SLCO1C1: variants seen among roughly 807,000 people sequenced by gnomAD.
The protein encoded by SLCO1C1 is OAT-RP-5.
A neutral mutation model predicts 76.4 loss-of-function variants in SLCO1C1; 70 were observed. The ratio of observed to expected loss-of-function variants is 0.92; its 90% confidence interval spans 0.76 to 1.12. The LOEUF (loss-of-function observed/expected upper bound fraction) is 1.12. SLCO1C1 is among the 50% of genes most tolerant of loss of function. The pLI is 0.00. For synonymous variants in SLCO1C1, 306 were observed against 286.1 expected, an observed-to-expected ratio of 1.07 and a Z score of -0.70; for missense variants, 912 against 823.8, an observed-to-expected ratio of 1.11 and a Z score of -1.31.
chr12:20,713,306 C>T (rs1407893449), intron 5 of SLCO1C1, among the ~76,000 whole-genome samples: 3 of 151,950 alleles, frequency 2.0e-5, no homozygotes, highest in African/African-American at 7.3e-5. Context: ...GTCTCGATCT[C>T]CTGACCTCGT....
intron 12 of SLCO1C1, among the ~76,000 whole-genome samples, chr12:20,742,332 T>TG (rs1399351621): frequency 3.7e-5 from 4 of 107,768 alleles, no homozygotes; most frequent in East Asian, 8.0e-4. Context: ...AGAAAAGTCA[T>TG]GTTTTTTTTT....
intron 13 of SLCO1C1, among the ~76,000 whole-genome samples, chr12:20,744,279 G>A (rs1442060163): frequency 6.6e-6 from 1 of 151,916 alleles, no homozygotes; most frequent in Non-Finnish European, 1.5e-5. Flanking sequence ...CCTGTGTTTG[G>A]GAATATAGAT....
At position 20,717,326 on chromosome 12, in the gene SLCO1C1, A is replaced by C; in HGVS notation, c.775+96A>C. ...AAATTATCAAATTGCCTTTTTATAA[A>C]ATGATGGAGTTGTAATCTTTCATAA... On this transcript the variant is annotated intron_variant, in intron 7 of 14. Coordinates refer to ENST00000266509, the MANE Select transcript of SLCO1C1 (RefSeq NM_017435.5). The C allele has an allele frequency of 6.4e-6, 6 of 943,008 alleles. No homozygotes were observed. The South Asian group carries it at 8.7e-5, about 14-fold the overall frequency. The allele number at this position is 943,008 out of a possible 1,614,324, so 58.4% of individuals were successfully genotyped here.
At position 20,721,878 on chromosome 12, in the gene SLCO1C1, A is replaced by G. The variant is rs781552130; in HGVS notation, c.850A>G (p.Ile284Val). Reference sequence around the variant, plus strand: ...GCTTGGCTATCTAATAGCAGGAATCATAAGTCTTCTTGCAGCTGTGCCTTT... The same window carrying G: ...GCTTGGCTATCTAATAGCAGGAATCGTAAGTCTTCTTGCAGCTGTGCCTTT... ...WWLGYLIAGI[I>V]SLLAAVPFWY... The change falls in exon 8 of 15, where the codon ATA becomes GTA. Residue 284 changes from isoleucine (I) to valine (V), a missense_variant. Ile to Val is a conservative substitution (Grantham distance 29). Transcript: ENST00000266509. The G allele has an allele frequency of 9.3e-6, 15 of 1,614,068 alleles. No individual in the cohort carries two copies. The Admixed American group carries it at 1.0e-4, about 11-fold the overall frequency.
intron 13 of SLCO1C1, among the ~76,000 whole-genome samples, chr12:20,746,520 G>A (rs908885361): frequency 6.6e-6 from 1 of 151,776 alleles, no homozygotes; most frequent in African/African-American, 2.4e-5. Context: ...ATAGCTAAAA[G>A]CTTTAGATGA....
intron 10 of SLCO1C1, among the ~76,000 whole-genome samples, chr12:20,736,338 G>C (rs967887066): frequency 6.6e-4 from 99 of 150,848 alleles, no homozygotes; most frequent in African/African-American, 2.0e-3. Flanking sequence ...ACCAATTTTG[G>C]GGGGGGGTGC....
At chr12:20,746,086 G>T (rs1949029120) in intron 13 of SLCO1C1, among the ~76,000 whole-genome samples, 1 of 152,002 alleles carries the variant, frequency 6.6e-6, no homozygotes, top group African/African-American at 2.4e-5. Flanking sequence ...TGCATGAGAT[G>T]ATTATGGGAC....
Position 20,752,592 on chromosome 12 carries a change from A to G in SLCO1C1, c.*64A>G. 7.5e-7 allele frequency: 1 copy of G among 1,335,496 alleles called. No individual in the cohort carries two copies. The highest frequency in any genetic ancestry group is 1.6e-5 in the South Asian group (1 of 62,428). 82.7% of individuals were successfully genotyped at this position (1,335,496 alleles called of 1,614,324 possible). A position where few individuals can be genotyped will look rare whatever the true frequency, so the allele number is the denominator to read the frequency against. ...ACATTTTGCAAACAAATAAATTGTAATCAAAAGAGCTCTAAATTTGTAATT... is the reference window on the plus strand; with the variant it reads ...ACATTTTGCAAACAAATAAATTGTAGTCAAAAGAGCTCTAAATTTGTAATT... On this transcript the variant is annotated 3_prime_UTR_variant, in exon 15 of 15. Transcript: ENST00000266509.
intron 1 of SLCO1C1, among the ~76,000 whole-genome samples, chr12:20,697,983 A>G (rs1005173997): frequency 3.3e-5 from 5 of 152,064 alleles, no homozygotes; most frequent in African/African-American, 9.7e-5. Flanking sequence ...TATCCTTAGT[A>G]TCTTTGTTTA....
At chr12:20,705,900 C>T in intron 3 of SLCO1C1, 49 bp from the exon 4 acceptor site, 4 of 1,589,110 alleles carry the variant, frequency 2.5e-6, no homozygotes, top group Non-Finnish European at 3.4e-6. Context: ...ATGCTGTTGA[C>T]TTCTTTCTAA....
chr12:20,712,666 A>AG (rs1947170782), intron 5 of SLCO1C1, among the ~76,000 whole-genome samples: 1 of 152,162 alleles, frequency 6.6e-6, no homozygotes, highest in Non-Finnish European at 1.5e-5. Flanking sequence ...CAAATCTCTT[A>AG]TCTATTCCAC....
chr12:20,722,233 A>C (rs149161736), intron 8 of SLCO1C1, among the ~76,000 whole-genome samples, 184 bp downstream of exon 8: 1 of 152,370 alleles, frequency 6.6e-6, no homozygotes, highest in East Asian at 1.9e-4. Context: ...ACCAAAGAGC[A>C]AAGGCTTGAC....
chr12:20,748,136 G>A (rs1949131977), intron 13 of SLCO1C1, among the ~76,000 whole-genome samples: 1 of 152,134 alleles, frequency 6.6e-6, no homozygotes, highest in Non-Finnish European at 1.5e-5. Flanking sequence ...CCTTACACAT[G>A]TAGGTTTGAA....
In SLCO1C1 at chr12:20,715,286, G is replaced by A. The variant is rs770031933; in HGVS notation, c.676+1G>A. 6.2e-7 allele frequency: 1 copy of A among 1,613,626 alleles called. No individual in the cohort carries two copies. Among genetic ancestry groups the A allele is most frequent in the Non-Finnish European group, 8.5e-7 (1 of 1,179,770 alleles). ...GAAGACAATGCAGCTTTCTATATTG[G>A]TAATATTGGCATATTGCTTCACTTA... On this transcript the variant is annotated splice_donor_variant, in intron 6 of 14. Coordinates refer to ENST00000266509, the MANE Select transcript of SLCO1C1 (RefSeq NM_017435.5). LOFTEE classifies it high-confidence loss of function.
At chr12:20,729,428 A>G (rs1948170236) in intron 9 of SLCO1C1, among the ~76,000 whole-genome samples, 2 of 152,138 alleles carry the variant, frequency 1.3e-5, no homozygotes, top group South Asian at 2.1e-4. Context: ...ATGGGATTCA[A>G]TTCAATTAGC....
chr12:20,714,503 A>G (rs1411569920), intron 5 of SLCO1C1, among the ~76,000 whole-genome samples: 2 of 152,228 alleles, frequency 1.3e-5, no homozygotes, highest in Admixed American at 1.3e-4. Flanking sequence ...ATGCTGTCAA[A>G]TGATTTCTTT....
chr12:20,750,675 C>G lies in SLCO1C1; in HGVS notation c.1799C>G (p.Ala600Gly), dbSNP rs1249289584. 6.2e-7 allele frequency: 1 copy of G among 1,613,486 alleles called. No homozygotes were observed. The highest frequency in any genetic ancestry group is 1.1e-5 in the South Asian group (1 of 91,048). The change falls in exon 14 of 15, where the codon GCA (alanine) becomes GGA (glycine). Residue 600 changes from alanine (A) to glycine (G), a missense_variant and splice_region_variant. Physicochemically the swap from Ala to Gly is moderately conservative, Grantham distance 60 (BLOSUM62 0). Coordinates refer to ENST00000266509, the MANE Select transcript of SLCO1C1 (RefSeq NM_017435.5). Reference sequence around the variant, plus strand: ...CAGCAATTATTTGTTTTTCTCACAGCAGGAATCCCAGCTCCAGTGTATTTT... The same window carrying G: ...CAGCAATTATTTGTTTTTCTCACAGGAGGAATCCCAGCTCCAGTGTATTTT... The part of the protein sequence containing the change: ...GIYTLAIRVL[A>G]GIPAPVYFGV...
intron 7 of SLCO1C1, among the ~76,000 whole-genome samples, chr12:20,719,742 A>G (rs1216260255): frequency 1.3e-5 from 2 of 152,216 alleles, no homozygotes; most frequent in Admixed American, 6.5e-5. Flanking sequence ...AGCTGGCGCA[A>G]ACAGGTTCAT....
At chr12:20,708,126 T>A (rs192366800) in intron 4 of SLCO1C1, among the ~76,000 whole-genome samples, 1 of 152,176 alleles carries the variant, frequency 6.6e-6, no homozygotes, top group Non-Finnish European at 1.5e-5. Flanking sequence ...TGGGTACTTA[T>A]CCAAAATATG....
Sources: gnomAD v4.1 joint callset for allele counts (sites outside exome capture counted in the v4.1 genomes callset) on GRCh38, gnomAD v4.1.1 for gene constraint, MANE v1.5 for transcripts, NCBI Gene and HGNC (gene_info 2026-07-23, HGNC 2026-07-21) for gene names.